WWOX: variants seen among roughly 807,000 people sequenced by gnomAD.
WWOX encodes WW domain-containing oxidoreductase.
Under a neutral mutation model 46.2 loss-of-function variants are expected in WWOX, and 69 were observed. The observed-to-expected ratio is 1.49, with a 90% CI of 1.23 to 1.82. The LOEUF is 1.82. Among genes scored for constraint, WWOX ranks in the 40% most tolerant of loss-of-function variants. The pLI is 0.00. For missense variants in WWOX, 919 were observed against 542.6 expected, an observed-to-expected ratio of 1.69 and a Z score of -6.89; for synonymous variants, 359 against 202.6, an observed-to-expected ratio of 1.77 and a Z score of -6.56.
intron 5 of WWOX, among the ~76,000 whole-genome samples, chr16:78,213,443 T>G (rs1283842605): frequency 6.6e-6 from 1 of 151,126 alleles, no homozygotes; most frequent in East Asian, 2.0e-4. Context: ...ATGCCCCAAT[T>G]CGAAAGATAA....
intron 8 of WWOX, among the ~76,000 whole-genome samples, chr16:78,824,215 CCACTCCT>C (rs1226121151): frequency 2.0e-5 from 3 of 152,088 alleles, no homozygotes; most frequent in Admixed American, 2.0e-4. Flanking sequence ...TATAAACAGT[CCACTCCT>C]ACATGTAGAC....
At chr16:78,661,617 G>C (rs2047215227) in intron 8 of WWOX, among the ~76,000 whole-genome samples, 1 of 146,312 alleles carries the variant, frequency 6.8e-6, no homozygotes. Context: ...TGTAATAAAT[G>C]TCTCTTGGAA....
At chr16:78,545,536 A>G (rs965686512) in intron 8 of WWOX, among the ~76,000 whole-genome samples, 1 of 152,176 alleles carries the variant, frequency 6.6e-6, no homozygotes, top group Admixed American at 6.5e-5. Context: ...TCCTTAAACA[A>G]GTTCAATGTT....
intron 8 of WWOX, among the ~76,000 whole-genome samples, chr16:78,439,748 G>A (rs2083406311): frequency 6.6e-6 from 1 of 152,216 alleles, no homozygotes; most frequent in Admixed American, 6.5e-5. Flanking sequence ...TGCTTCCCAT[G>A]TATCCAGAGT....
intron 5 of WWOX, among the ~76,000 whole-genome samples, chr16:78,379,565 T>C (rs1597131635): frequency 6.6e-6 from 1 of 152,200 alleles, no homozygotes; most frequent in Admixed American, 6.5e-5. Flanking sequence ...CAAAAGTCTG[T>C]GCCAGGGATT....
intron 8 of WWOX, among the ~76,000 whole-genome samples, chr16:78,536,748 G>A (rs1030332724): frequency 6.6e-6 from 1 of 152,196 alleles, no homozygotes; most frequent in Non-Finnish European, 1.5e-5. Flanking sequence ...TGACGAAGGA[G>A]GAGGAGGAGG....
chr16:78,622,688 A>G (rs199507296), intron 8 of WWOX, among the ~76,000 whole-genome samples: 25 of 11,878 alleles, frequency 2.1e-3, no homozygotes, highest in Non-Finnish European at 4.5e-3. Context: ...GGGATATGGG[A>G]GACTTACTTC....
At chr16:78,754,774 T>C (rs1435644711) in intron 8 of WWOX, among the ~76,000 whole-genome samples, 2 of 152,118 alleles carry the variant, frequency 1.3e-5, no homozygotes, top group African/African-American at 4.8e-5. Context: ...AGTTTGACAG[T>C]GTGAATGAGA....
chr16:78,368,911 G>A (rs2081598985), intron 5 of WWOX, among the ~76,000 whole-genome samples: 1 of 152,174 alleles, frequency 6.6e-6, no homozygotes, highest in Non-Finnish European at 1.5e-5. Context: ...ACTGCTCTGT[G>A]TCTGTGTGCG....
chr16:79,051,001 C>G (rs1380269925), intron 8 of WWOX, among the ~76,000 whole-genome samples: 2 of 152,230 alleles, frequency 1.3e-5, no homozygotes, highest in African/African-American at 2.4e-5. Flanking sequence ...TGACCCAAAT[C>G]ACACGTCACG....
intron 8 of WWOX, among the ~76,000 whole-genome samples, chr16:78,904,204 A>G (rs1465000938): frequency 7.1e-6 from 1 of 140,424 alleles, no homozygotes; most frequent in East Asian, 2.3e-4. Context: ...GGTGCTTGTG[A>G]TGTCATCACT....
chr16:78,204,976 G>A (rs895687444), intron 5 of WWOX, among the ~76,000 whole-genome samples: 1 of 152,182 alleles, frequency 6.6e-6, no homozygotes, highest in Non-Finnish European at 1.5e-5. Context: ...AAAGTTATTT[G>A]GGATATCCAA....
intron 8 of WWOX, among the ~76,000 whole-genome samples, chr16:78,689,017 G>A (rs904738421): frequency 1.3e-5 from 2 of 152,178 alleles, no homozygotes; most frequent in Non-Finnish European, 2.9e-5. Flanking sequence ...GACCTCCACA[G>A]CCATGCCAAA....
intron 8 of WWOX, among the ~76,000 whole-genome samples, chr16:78,806,803 G>C (rs1170331787): frequency 1.3e-5 from 2 of 152,184 alleles, no homozygotes; most frequent in African/African-American, 4.8e-5. Flanking sequence ...TCTTCTGGAA[G>C]AGAATGTGGG....
At chr16:79,153,765 T>TTTG (rs1460971072) in intron 8 of WWOX, among the ~76,000 whole-genome samples, 3 of 152,070 alleles carry the variant, frequency 2.0e-5, no homozygotes, top group African/African-American at 7.2e-5. Flanking sequence ...GGGGGGGTTT[T>TTTG]TTGTTGTTGT....
At chr16:78,588,226 G>T (rs778956393) in intron 8 of WWOX, among the ~76,000 whole-genome samples, 1 of 152,220 alleles carries the variant, frequency 6.6e-6, no homozygotes, top group Non-Finnish European at 1.5e-5. Flanking sequence ...CTCTGTAGAT[G>T]ACAATAGCCT....
intron 8 of WWOX, among the ~76,000 whole-genome samples, chr16:78,985,510 T>C (rs1010041385): frequency 6.6e-6 from 1 of 152,204 alleles, no homozygotes; most frequent in African/African-American, 2.4e-5. Context: ...TGGCTCACGC[T>C]GTAATCCCAG....
At chr16:78,354,709 G>T (rs1567519453) in intron 5 of WWOX, among the ~76,000 whole-genome samples, 1 of 64,434 alleles carries the variant, frequency 1.6e-5, no homozygotes, top group African/African-American at 7.1e-5. Context: ...TAGGTAAACT[G>T]TTTTGTTTGT....
chr16:78,928,723 A>G (rs147843756), intron 8 of WWOX, among the ~76,000 whole-genome samples: 36 of 152,262 alleles, frequency 2.4e-4, no homozygotes, highest in African/African-American at 7.9e-4. Flanking sequence ...TCTTTCATCA[A>G]CACTTTTATG....
Sources: allele counts gnomAD v4.1 joint callset (sites outside exome capture counted in the v4.1 genomes callset), GRCh38; gene constraint gnomAD v4.1.1; transcripts MANE v1.5; gene names NCBI Gene and HGNC (gene_info 2026-07-23, HGNC 2026-07-21).